ASTN2: variants seen among roughly 807,000 people sequenced by gnomAD.
ASTN2 encodes astrotactin-2.
A neutral mutation model predicts 139.8 loss-of-function variants in ASTN2; 54 were observed. That is an observed-to-expected ratio of 0.39 (90% CI 0.31 to 0.48). The LOEUF (loss-of-function observed/expected upper bound fraction) is 0.48, where lower values mean the gene tolerates loss of function less well. Ranked by LOEUF, ASTN2 falls within the 20% of genes least tolerant of loss-of-function variation. ASTN2 has a pLI of 0.95. For missense variants in ASTN2, 1,565 were observed against 1,725.1 expected (o/e 0.91, Z 1.64); for synonymous variants, 756 against 719.5 (o/e 1.05, Z -0.81).
intron 6 of ASTN2, among the ~76,000 whole-genome samples, chr9:117,035,204 G>T (rs1324312253): frequency 6.6e-6 from 1 of 152,120 alleles, no homozygotes; most frequent in Non-Finnish European, 1.5e-5. Context: ...CTCAAATGGA[G>T]CTTCTTGCAC....
intron 7 of ASTN2, among the ~76,000 whole-genome samples, chr9:117,004,263 G>T (rs1225850217): frequency 6.6e-6 from 1 of 151,990 alleles, no homozygotes; most frequent in Non-Finnish European, 1.5e-5. Context: ...GGGACTATGG[G>T]CATGTGTCAC....
intron 11 of ASTN2, among the ~76,000 whole-genome samples, chr9:116,828,121 C>A (rs11526374): frequency 0.017 from 2,571 of 152,012 alleles, 27 homozygotes; most frequent in East Asian, 0.034. Flanking sequence ...ATGGTGAAAC[C>A]CTGTCTCTAC....
chr9:117,120,018 G>GTGTGTGTATATATATATATA (rs1306397698), intron 4 of ASTN2, among the ~76,000 whole-genome samples: 48 of 45,964 alleles, frequency 1.0e-3, no homozygotes, highest in East Asian at 3.5e-3. Context: ...GTGTGTGTGT[G>GTGTGTGTATATATATATATA]TATATATATA....
intron 11 of ASTN2, among the ~76,000 whole-genome samples, chr9:116,841,340 T>C (rs1032298080): frequency 6.6e-6 from 1 of 152,136 alleles, no homozygotes; most frequent in African/African-American, 2.4e-5. Context: ...CCGTCCAGCT[T>C]CGGCTCGGCA....
At chr9:116,718,966 G>GTA (rs1219672903) in intron 16 of ASTN2, among the ~76,000 whole-genome samples, 3 of 31,774 alleles carry the variant, frequency 9.4e-5, no homozygotes, top group African/African-American at 3.8e-4. Context: ...ATCTATACCT[G>GTA]TATCTGTACA....
chr9:116,428,120 G>A (rs186767973), intron 22 of ASTN2, among the ~76,000 whole-genome samples: 26 of 152,372 alleles, frequency 1.7e-4, no homozygotes, highest in Admixed American at 5.2e-4. Context: ...AGAGCTGTGT[G>A]AAGACAGAGG....
chr9:116,827,384 A>C (rs2416579), intron 11 of ASTN2, among the ~76,000 whole-genome samples: 118,316 of 149,228 alleles, frequency 0.79, 47,143 homozygotes, highest in East Asian at 0.91. Flanking sequence ...GGAGAAAAGA[A>C]ATAACAAAGA....
chr9:117,111,810 A>C (rs1829257051), intron 4 of ASTN2, among the ~76,000 whole-genome samples: 1 of 152,104 alleles, frequency 6.6e-6, no homozygotes, highest in African/African-American at 2.4e-5. Flanking sequence ...ATTTCAATAA[A>C]GCAAGAAAAA....
At position 117,143,256 on chromosome 9, in the gene ASTN2, T is replaced by C. The variant is rs1830116710; in HGVS notation, c.1016-1778A>G. ...TATCTCTCTCCACAGATATCTTAAT[T>C]AGGTGTACTTGAAGAAACCAAGAAG... On this transcript the variant is annotated intron_variant, in intron 3 of 22. Transcript: ENST00000313400. Among the ~76,000 whole-genome samples, 5 of 152,212 alleles carry C rather than the reference T, an allele frequency of 3.3e-5. No homozygotes were observed. The South Asian group carries it at 1.0e-3, about 32-fold the overall frequency.
intron 1 of ASTN2, among the ~76,000 whole-genome samples, chr9:117,401,235 G>A (rs931835494): frequency 6.6e-6 from 1 of 152,104 alleles, no homozygotes; most frequent in African/African-American, 2.4e-5. Context: ...AACCTACTAT[G>A]TGATGTTCCT....
At position 116,728,215 on chromosome 9, in the gene ASTN2, A is replaced by G. The variant is rs181053022; in HGVS notation, c.2626+777T>C. On this transcript the variant is annotated intron_variant, in intron 15 of 22. Coordinates refer to ENST00000313400, the MANE Select transcript of ASTN2 (RefSeq NM_001365068.1). ...TAGTTTTGGAGATACTGGAATAAATAAGACCCAAGCCCCGCCCACAGTTCT... is the reference window on the plus strand; with the variant it reads ...TAGTTTTGGAGATACTGGAATAAATGAGACCCAAGCCCCGCCCACAGTTCT... Among the ~76,000 whole-genome samples, 28 of 152,342 alleles carry G rather than the reference A, an allele frequency of 1.8e-4. No homozygotes were observed. The East Asian group carries it at 4.8e-3, about 26-fold the overall frequency.
At chr9:117,092,786 C>G (rs1220184849) in intron 5 of ASTN2, among the ~76,000 whole-genome samples, 1 of 152,186 alleles carries the variant, frequency 6.6e-6, no homozygotes, top group Non-Finnish European at 1.5e-5. Flanking sequence ...CTGCAGGGAA[C>G]TGCTGAGTCA....
intron 6 of ASTN2, among the ~76,000 whole-genome samples, chr9:117,023,191 T>TCTACCTTGC (rs754015870): frequency 1.3e-5 from 2 of 152,016 alleles, no homozygotes; most frequent in African/African-American, 2.4e-5. Flanking sequence ...TGCTCAGAGC[T>TCTACCTTGC]CTACCTTGCT....
chr9:116,818,074 T>C (rs1357635038), intron 12 of ASTN2, among the ~76,000 whole-genome samples: 2 of 151,664 alleles, frequency 1.3e-5, no homozygotes, highest in East Asian at 3.9e-4. Context: ...AAACATAAAA[T>C]GGGAATCATA....
At chr9:117,221,067 C>G (rs1832499647) in intron 2 of ASTN2, among the ~76,000 whole-genome samples, 1 of 152,180 alleles carries the variant, frequency 6.6e-6, no homozygotes, top group Non-Finnish European at 1.5e-5. Flanking sequence ...TAAACACATC[C>G]AGAAGCTGAC....
chr9:116,795,159 T>C (rs557904914), intron 13 of ASTN2, among the ~76,000 whole-genome samples: 1 of 152,272 alleles, frequency 6.6e-6, no homozygotes, highest in African/African-American at 2.4e-5. Context: ...TTTGTATTTT[T>C]AATAGAGACG....
At chr9:117,299,283 C>T (rs992527524) in intron 1 of ASTN2, among the ~76,000 whole-genome samples, 1 of 152,152 alleles carries the variant, frequency 6.6e-6, no homozygotes, top group Non-Finnish European at 1.5e-5. Context: ...TGCAAATACT[C>T]ACTTTAAAGA....
chr9:116,538,658 C>T (rs1444255480), intron 19 of ASTN2, among the ~76,000 whole-genome samples: 1 of 152,140 alleles, frequency 6.6e-6, no homozygotes, highest in African/African-American at 2.4e-5. Flanking sequence ...AAATTATATT[C>T]CATGCTTTGT....
chr9:117,137,684 A>C (rs2074883481), intron 4 of ASTN2, among the ~76,000 whole-genome samples: 1 of 152,128 alleles, frequency 6.6e-6, no homozygotes, highest in African/African-American at 2.4e-5. Context: ...CTTCAAGAGA[A>C]AGAGGGAGGG....
Sources: allele counts gnomAD v4.1 joint callset (sites outside exome capture counted in the v4.1 genomes callset), GRCh38; gene constraint gnomAD v4.1.1; transcripts MANE v1.5; gene names NCBI Gene and HGNC (gene_info 2026-07-23, HGNC 2026-07-21).